The following SUSD1 variants were observed in gnomAD, a reference collection of about 807,000 sequenced individuals.
SUSD1 encodes the protein sushi domain containing 1.
Under a neutral mutation model 86.9 loss-of-function variants are expected in SUSD1, and 65 were observed. The ratio of observed to expected loss-of-function variants is 0.75; its 90% CI spans 0.61 to 0.92. The LOEUF (loss-of-function observed/expected upper bound fraction) is 0.92. Ranked by LOEUF, SUSD1 falls within the 40% of genes least tolerant of loss-of-function variation. The pLI, the probability that SUSD1 is intolerant of heterozygous loss-of-function variation, is 0.00. For synonymous variants in SUSD1, 346 were observed against 350.0 expected (o/e 0.99, Z 0.13); for missense variants, 850 against 929.7 (o/e 0.91, Z 1.11).
At chr9:112,122,523 G>C (rs1018655179) in intron 6 of SUSD1, among the ~76,000 whole-genome samples, 1 of 97,558 alleles carries the variant, frequency 1.0e-5, no homozygotes, top group Admixed American at 1.1e-4. Flanking sequence ...TTGAACTCCT[G>C]ACCTCAAGTG....
chr9:112,113,259 CCAG>C lies in SUSD1; in HGVS notation c.887-394_887-392del, dbSNP rs1479417326. Among the ~76,000 whole-genome samples the C allele has an allele frequency of 6.6e-6, 1 of 152,160 alleles. No homozygotes were observed. Among genetic ancestry groups the C allele is most frequent in the African/African-American group, 2.4e-5 (1 of 41,430 alleles). On this transcript the variant is annotated intron_variant, in intron 6 of 16. Coordinates refer to ENST00000374270, the MANE Select transcript of SUSD1 (RefSeq NM_022486.5). This position sits in a 1 kb window ranked among gnomAD's most constrained non-coding sequence, Gnocchi z 4.1. ...AAGACCTACTTCCACCTTTCTCTTC[CCAG>C]CAGAATGATGGGAAACTCCTTCAAG...
intron 9 of SUSD1, 84 bp from the exon 10 acceptor site, chr9:112,098,746 A>G: frequency 2.4e-6 from 3 of 1,269,430 alleles, no homozygotes; most frequent in South Asian, 1.4e-5. Context: ...TGGAGTTAAA[A>G]CAAGAAAGTT....
chr9:112,093,344 G>A (rs892645359), intron 10 of SUSD1, among the ~76,000 whole-genome samples: 12 of 152,278 alleles, frequency 7.9e-5, no homozygotes, highest in African/African-American at 1.9e-4. Context: ...TCTGGGACCC[G>A]CCTGTGCACA....
At chr9:112,066,673 A>C (rs1275447020) in intron 12 of SUSD1, among the ~76,000 whole-genome samples, 23 of 152,132 alleles carry the variant, frequency 1.5e-4, no homozygotes, top group Admixed American at 1.5e-3. Flanking sequence ...CATATGTTAC[A>C]TACTTTATAT....
In SUSD1 at chr9:112,175,040, C is replaced by T. The variant is rs973231777; in HGVS notation, c.103+93G>A. 28 of 946,910 alleles carry T rather than the reference C, an allele frequency of 3.0e-5. 1 individual carries two copies. The African/African-American group carries it at 4.6e-4, about 16-fold the overall frequency. The allele number at this position is 946,910 out of a possible 1,614,324, so 58.7% of individuals were successfully genotyped here. ...ACGCCTCGGCACCGCGCCGGCCCGG[C>T]CCAGGGGCGGGGAAGCGTCCGTGCG... On this transcript the variant is annotated intron_variant, in intron 1 of 16. Transcript: ENST00000374270. This position sits in a 1 kb window ranked among gnomAD's most constrained non-coding sequence, Gnocchi z 4.7.
chr9:112,148,932 A>G (rs1832924333), intron 3 of SUSD1, among the ~76,000 whole-genome samples: 1 of 151,762 alleles, frequency 6.6e-6, no homozygotes, highest in Non-Finnish European at 1.5e-5. Context: ...CAAACAAAAC[A>G]TTACAATGAA....
intron 1 of SUSD1, 68 bp from the exon 2 acceptor site, chr9:112,157,681 T>A: frequency 3.6e-6 from 5 of 1,375,242 alleles, no homozygotes; most frequent in South Asian, 1.2e-5. Flanking sequence ...TTAGTGGACA[T>A]TTACAACGAA....
chr9:112,057,648 A>G (rs1828510666), intron 14 of SUSD1, among the ~76,000 whole-genome samples: 2 of 152,222 alleles, frequency 1.3e-5, no homozygotes, highest in Non-Finnish European at 2.9e-5. Flanking sequence ...GACACATTAC[A>G]TTTGCATCCC....
chr9:112,160,297 A>G (rs887950799), intron 1 of SUSD1, among the ~76,000 whole-genome samples: 2 of 152,158 alleles, frequency 1.3e-5, no homozygotes, highest in Non-Finnish European at 2.9e-5. Context: ...TAATCTCAGC[A>G]CTTTGGGAGG....
chr9:112,095,570 G>A (rs1034206512), intron 10 of SUSD1, among the ~76,000 whole-genome samples: 1 of 152,180 alleles, frequency 6.6e-6, no homozygotes, highest in African/African-American at 2.4e-5. Context: ...TTCAGGTTCT[G>A]GAAACCCAAC....
Position 112,113,729 on chromosome 9 carries a change from T to G in SUSD1, c.887-861A>C, listed in dbSNP as rs574447677. On this transcript the variant is annotated intron_variant, in intron 6 of 16. Coordinates refer to ENST00000374270, the MANE Select transcript of SUSD1 (RefSeq NM_022486.5). The surrounding 1 kb of genome is among the most constrained non-coding windows in gnomAD (Gnocchi z 4.1). ...GGCGGATTACCTGAGCTCAGAAGTT[T>G]GAGACCAGCCTGGCCAACATAGTGA... 1.3e-5 allele frequency among the ~76,000 whole-genome samples: 2 copies of G among 152,022 alleles called. No homozygotes were observed. The highest frequency in any genetic ancestry group is 4.8e-5 in the African/African-American group (2 of 41,480).
chr9:112,141,755 TATAATATATAATACATTACA>T (rs1415686617), intron 5 of SUSD1, among the ~76,000 whole-genome samples: 11 of 146,130 alleles, frequency 7.5e-5, no homozygotes, highest in Non-Finnish European at 1.3e-4. Context: ...ACATGTAATA[TATAATATATAATACATTACA>T]TGTAATATAT....
chr9:112,052,618 C>T (rs548795607), intron 14 of SUSD1, among the ~76,000 whole-genome samples, 180 bp from the exon 15 acceptor site: 11 of 152,200 alleles, frequency 7.2e-5, no homozygotes, highest in African/African-American at 1.4e-4. Context: ...AAGGGACCGG[C>T]GTGGGTTGCA....
At chr9:112,091,223 C>T (rs1034716510) in intron 10 of SUSD1, among the ~76,000 whole-genome samples, 41 of 152,164 alleles carry the variant, frequency 2.7e-4, no homozygotes, top group African/African-American at 9.9e-4. Context: ...AACTCTTCAA[C>T]CACAGAATAC....
At chr9:112,144,463 T>C (rs1832722015) in intron 3 of SUSD1, among the ~76,000 whole-genome samples, 1 of 152,002 alleles carries the variant, frequency 6.6e-6, no homozygotes, top group African/African-American at 2.4e-5. Context: ...AACCTCATAC[T>C]AAAACATCTA....
intron 1 of SUSD1, chr9:112,173,823 T>C (rs1160518369): frequency 1.1e-5 from 3 of 274,034 alleles, no homozygotes; most frequent in Non-Finnish European, 2.2e-5. Flanking sequence ...GCCCCTCTTA[T>C]TGTGCTTCTT....
At chr9:112,130,584 G>GAAGGAAGGA (rs201135366) in intron 5 of SUSD1, among the ~76,000 whole-genome samples, 5,997 of 147,562 alleles carry the variant, frequency 0.041, 281 homozygotes, top group East Asian at 0.21. Flanking sequence ...AGGAAAGGAG[G>GAAGGAAGGA]AAGGAAGGAA....
rs117688938 is a variant in SUSD1, at chr9:112,061,138, G to A, written c.1850+1799C>T. Among the ~76,000 whole-genome samples, 1,387 of 152,262 alleles carry A rather than the reference G, an allele frequency of 9.1e-3. 48 individuals are homozygous for A. Among genetic ancestry groups the A allele is most frequent in the East Asian group, 0.046 (237 of 5,188 alleles). ...CAATGTGGGAGACACGAGCATTAAGGGAACCCAGCAACAGGCTCCATCCTC... is the reference window on the plus strand; with the variant it reads ...CAATGTGGGAGACACGAGCATTAAGAGAACCCAGCAACAGGCTCCATCCTC... On this transcript the variant is annotated intron_variant, in intron 13 of 16. Coordinates refer to ENST00000374270, the MANE Select transcript of SUSD1 (RefSeq NM_022486.5).
In SUSD1 at chr9:112,078,692, C is replaced by T. The variant is rs1564274827; in HGVS notation, c.1599G>A (p.Lys533=). 2 of 1,613,494 alleles carry T rather than the reference C, an allele frequency of 1.2e-6. No homozygotes were observed. Among genetic ancestry groups the T allele is most frequent in the African/African-American group, 1.3e-5 (1 of 74,988 alleles). The change falls in exon 12 of 17, where the codon AAG becomes AAA. Residue 533 remains lysine, a synonymous_variant. Transcript: ENST00000374270. ...TAAAGGTCATTTCCTGGGCAAATTC[C>T]TTCTGATACCATCTCTGGCCCCAAA... ...FHIWGQRWYQ[K]EFAQEMTFNI...
Sources: allele counts gnomAD v4.1 joint callset (sites outside exome capture counted in the v4.1 genomes callset), GRCh38; gene constraint gnomAD v4.1.1; non-coding constraint Gnocchi (gnomAD v3.1); transcripts MANE v1.5; gene names NCBI Gene and HGNC (gene_info 2026-07-23, HGNC 2026-07-21).